The following EMB variants were observed in gnomAD, a reference collection of about 807,000 sequenced individuals.
EMB encodes the protein embigin homolog.
A neutral mutation model predicts 41.4 loss-of-function variants in EMB; 31 were observed. The ratio of observed to expected loss-of-function variants is 0.75; its 90% CI spans 0.56 to 1.01. The LOEUF is 1.01. EMB is among the 50% of genes least tolerant of loss of function. The pLI, the probability that EMB is intolerant of heterozygous loss-of-function variation, is 0.00. For missense variants in EMB, 379 were observed against 388.3 expected (o/e 0.98, Z 0.20); for synonymous variants, 137 against 140.4 (o/e 0.98, Z 0.17).
At chr5:50,414,690 T>C (rs1249619840) in intron 2 of EMB, among the ~76,000 whole-genome samples, 1 of 152,170 alleles carries the variant, frequency 6.6e-6, no homozygotes, top group African/African-American at 2.4e-5. Context: ...TAACTGCTTG[T>C]AAAATTGCAA....
chr5:50,408,785 A>T (rs1440865247), intron 4 of EMB, among the ~76,000 whole-genome samples: 1 of 152,100 alleles, frequency 6.6e-6, no homozygotes. Flanking sequence ...ACCATTTTAT[A>T]AGCCTTTCAG....
intron 5 of EMB, 24 bp from the exon 6 acceptor site, chr5:50,403,478 C>T (rs765749030): frequency 8.7e-6 from 14 of 1,606,192 alleles, no homozygotes; most frequent in Non-Finnish European, 1.2e-5. Context: ...ACATTAAAAT[C>T]CATTCCTATC....
At chr5:50,435,405 T>C (rs1413671905) in intron 1 of EMB, among the ~76,000 whole-genome samples, 1 of 152,178 alleles carries the variant, frequency 6.6e-6, no homozygotes, top group African/African-American at 2.4e-5. Flanking sequence ...AGGTTCCAGC[T>C]CAGAATCACA....
At chr5:50,409,643 G>A (rs1301313526) in intron 4 of EMB, among the ~76,000 whole-genome samples, 1 of 151,296 alleles carries the variant, frequency 6.6e-6, no homozygotes, top group Non-Finnish European at 1.5e-5. Flanking sequence ...AGGGAAGAAA[G>A]GACAGAAAAA....
intron 2 of EMB, among the ~76,000 whole-genome samples, chr5:50,417,010 C>G (rs1025358939): frequency 6.6e-6 from 1 of 152,150 alleles, no homozygotes; most frequent in African/African-American, 2.4e-5. Flanking sequence ...CAGGGGTACC[C>G]CTGCTCTGAA....
At chr5:50,434,297 C>A (rs866571371) in intron 1 of EMB, among the ~76,000 whole-genome samples, 6 of 152,248 alleles carry the variant, frequency 3.9e-5, no homozygotes, top group Non-Finnish European at 7.3e-5. Context: ...TGAACAGATA[C>A]ATCAGCAATA....
upstream of EMB, among the ~76,000 whole-genome samples, chr5:50,441,707 C>T (rs1384913255): frequency 5.9e-5 from 9 of 152,166 alleles, no homozygotes; most frequent in African/African-American, 2.2e-4. Flanking sequence ...GTTAATCTTT[C>T]TTTGCTTTGC....
chr5:50,399,343 T>C, intron 8 of EMB, 53 bp from the exon 9 acceptor site: 2 of 1,598,248 alleles, frequency 1.3e-6, no homozygotes, highest in South Asian at 2.3e-5. Flanking sequence ...GGTTATTTTA[T>C]AGTAACTTAC....
rs535700729 is a variant in EMB at position 50,397,467 on chromosome 5, T to C, written c.*1806A>G. On this transcript the variant is annotated 3_prime_UTR_variant, in exon 9 of 9. Transcript: ENST00000303221. ...CAATGCTTGTTGCTTGAAAATTGTA[T>C]GAGCCTCAATGGTTAGTGGTGGTAA... 1 of 152,158 alleles carries C rather than the reference T, an allele frequency of 6.6e-6. No individual in the cohort carries two copies. Among genetic ancestry groups the C allele is most frequent in the Non-Finnish European group, 1.5e-5 (1 of 68,032 alleles). The allele number at this position is 152,158 out of a possible 1,614,324, so 9.4% of individuals were successfully genotyped here. A position where few individuals can be genotyped will look rare whatever the true frequency, so the allele number is the denominator to read the frequency against.
At chr5:50,405,653 T>A (rs1201465863) in intron 5 of EMB, 72 bp downstream of exon 5, 1 of 1,522,032 alleles carries the variant, frequency 6.6e-7, no homozygotes, top group African/African-American at 1.4e-5. Context: ...CTGAGTCTGT[T>A]ACAATCTTGT....
At chr5:50,427,130 A>G (rs1455455242) in intron 2 of EMB, among the ~76,000 whole-genome samples, 4 of 152,148 alleles carry the variant, frequency 2.6e-5, no homozygotes, top group Non-Finnish European at 4.4e-5. Context: ...AAAACAATAT[A>G]TAACATTTCT....
At chr5:50,417,724 G>C (rs1270652641) in intron 2 of EMB, among the ~76,000 whole-genome samples, 1 of 152,116 alleles carries the variant, frequency 6.6e-6, no homozygotes, top group African/African-American at 2.4e-5. Context: ...CTATGTGGCT[G>C]GTGTTATATG....
chr5:50,428,908 A>G (rs1745667673), intron 1 of EMB, among the ~76,000 whole-genome samples: 1 of 151,178 alleles, frequency 6.6e-6, no homozygotes, highest in South Asian at 2.1e-4. Flanking sequence ...TTTTATTTTT[A>G]TTTTGAGATG....
At chr5:50,441,661 A>G (rs1433732914), upstream of EMB, among the ~76,000 whole-genome samples, 2 of 152,140 alleles carry the variant, frequency 1.3e-5, no homozygotes, top group Non-Finnish European at 2.9e-5. Flanking sequence ...ATTTTTGCGC[A>G]GGTGTAAGGT....
Position 50,405,810 on chromosome 5 carries a change from A to G in EMB, c.515T>C (p.Val172Ala). The change falls in exon 5 of 9, where the codon GTA (valine) becomes GCA (alanine). Residue 172 changes from valine (V) to alanine (A), a missense_variant. By Grantham distance (64) the Val-to-Ala change is moderately conservative. Transcript: ENST00000303221. The stretch of plus-strand genomic sequence containing the variant: ...ACATGTCAAGACAGTAGAATCCCCT[A>G]CGTAAGAGATCAATGGCTTGTTTTT... ...HGKNKPLISY[V>A]GDSTVLTCKC... 1 of 1,597,288 alleles carries G rather than the reference A, an allele frequency of 6.3e-7. No individual in the cohort carries two copies. The highest frequency in any genetic ancestry group is 1.8e-5 in the Admixed American group (1 of 56,344).
At chr5:50,411,075 T>C (rs1470138560) in intron 3 of EMB, 110 bp from the exon 4 acceptor site, 7 of 1,179,700 alleles carry the variant, frequency 5.9e-6, no homozygotes, top group East Asian at 5.1e-5. Context: ...TCTGTAAATA[T>C]GCAAATTAGA....
chr5:50,429,971 TC>T (rs1561139877), intron 1 of EMB, among the ~76,000 whole-genome samples: 2,207 of 133,928 alleles, frequency 0.016, 54 homozygotes, highest in African/African-American at 0.058. Flanking sequence ...ACTCTCTTTC[TC>T]TCTCTCTCTC....
chr5:50,432,904 C>A (rs1239743543), intron 1 of EMB, among the ~76,000 whole-genome samples: 1 of 151,902 alleles, frequency 6.6e-6, no homozygotes, highest in Non-Finnish European at 1.5e-5. Context: ...TGGTGAAACC[C>A]CGTCTCTACT....
chr5:50,412,226 T>TAC (rs1334947033), intron 2 of EMB, among the ~76,000 whole-genome samples: 87 of 135,172 alleles, frequency 6.4e-4, no homozygotes, highest in Non-Finnish European at 9.0e-4. Flanking sequence ...TTGAAAACAA[T>TAC]ACACACACAC....
Sources: allele counts gnomAD v4.1 joint callset (sites outside exome capture counted in the v4.1 genomes callset), GRCh38; gene constraint gnomAD v4.1.1; transcripts MANE v1.5; gene names NCBI Gene and HGNC (gene_info 2026-07-23, HGNC 2026-07-21).